Variants in PRKCE observed in about 807,000 individuals in gnomAD.
PRKCE encodes protein kinase C epsilon type.
A neutral mutation model predicts 85.4 loss-of-function variants in PRKCE; 16 were observed. The observed-to-expected ratio is 0.19, with a 90% CI of 0.13 to 0.28. The LOEUF (loss-of-function observed/expected upper bound fraction) is 0.28, where lower values mean the gene tolerates loss of function less well. Ranked by LOEUF, PRKCE falls within the 10% of genes least tolerant of loss-of-function variation. The pLI, the probability that PRKCE is intolerant of heterozygous loss-of-function variation, is 1.00. For synonymous variants in PRKCE, 388 were observed against 371.5 expected (o/e 1.04, Z -0.51); for missense variants, 573 against 975.2 (o/e 0.59, Z 5.49).
chr2:46,130,532 T>C (rs1395288083), intron 11 of PRKCE, among the ~76,000 whole-genome samples: 1 of 152,232 alleles, frequency 6.6e-6, no homozygotes, highest in African/African-American at 2.4e-5. Context: ...TCATAGCACT[T>C]GCTAAAATAA....
At chr2:45,755,374 A>T (rs1366926717) in intron 1 of PRKCE, among the ~76,000 whole-genome samples, 2 of 152,228 alleles carry the variant, frequency 1.3e-5, no homozygotes, top group Non-Finnish European at 1.5e-5. Flanking sequence ...TAGGTTAAGC[A>T]TATGATACAG....
chr2:46,115,138 G>A (rs1031655854), intron 11 of PRKCE, among the ~76,000 whole-genome samples: 1 of 152,144 alleles, frequency 6.6e-6, no homozygotes, highest in Non-Finnish European at 1.5e-5. Context: ...TCTAGGCACT[G>A]GCAGCTTCTC....
intron 1 of PRKCE, among the ~76,000 whole-genome samples, chr2:45,805,667 GC>G (rs995919414): frequency 6.7e-6 from 1 of 149,982 alleles, no homozygotes; most frequent in African/African-American, 2.5e-5. Flanking sequence ...TGTGGTCTTG[GC>G]CCACTGCAAC....
chr2:46,042,835 C>T (rs566824446), intron 10 of PRKCE, among the ~76,000 whole-genome samples: 1 of 152,326 alleles, frequency 6.6e-6, no homozygotes, highest in South Asian at 2.1e-4. Context: ...TTCCCAGCAT[C>T]CTTGTTCACA....
At chr2:45,986,451 A>G (rs1038541400) in intron 6 of PRKCE, among the ~76,000 whole-genome samples, 3 of 152,126 alleles carry the variant, frequency 2.0e-5, no homozygotes, top group Admixed American at 2.0e-4. Context: ...GGGGAGAATG[A>G]TGGACACCGC....
intron 10 of PRKCE, among the ~76,000 whole-genome samples, chr2:46,057,361 T>G (rs2105098959): frequency 6.6e-6 from 1 of 152,320 alleles, no homozygotes; most frequent in South Asian, 2.1e-4. Flanking sequence ...TAGGGCTCTT[T>G]AATACATAGT....
At chr2:45,699,939 G>A (rs1217952292) in intron 1 of PRKCE, among the ~76,000 whole-genome samples, 1 of 151,810 alleles carries the variant, frequency 6.6e-6, no homozygotes, top group Non-Finnish European at 1.5e-5. Context: ...GAGCTGAGGG[G>A]TGCAGGGGGT....
chr2:46,018,351 C>A (rs1052227173), intron 10 of PRKCE, among the ~76,000 whole-genome samples: 16 of 152,112 alleles, frequency 1.1e-4, no homozygotes, highest in Admixed American at 8.5e-4. Context: ...GTAGGAGTCC[C>A]GGCCTTGTGA....
At chr2:45,759,112 A>G (rs569538106) in intron 1 of PRKCE, among the ~76,000 whole-genome samples, 68 of 152,256 alleles carry the variant, frequency 4.5e-4, no homozygotes, top group African/African-American at 1.3e-3. Context: ...CCTCTCCCCA[A>G]TGGGGCACTG....
intron 1 of PRKCE, among the ~76,000 whole-genome samples, chr2:45,714,814 C>G (rs900542052): frequency 6.6e-6 from 1 of 152,236 alleles, no homozygotes; most frequent in Non-Finnish European, 1.5e-5. Context: ...TTCTTGGAGT[C>G]TAATGTCTGT....
intron 6 of PRKCE, among the ~76,000 whole-genome samples, chr2:45,985,238 G>A (rs1186199517): frequency 6.6e-6 from 1 of 152,146 alleles, no homozygotes; most frequent in Non-Finnish European, 1.5e-5. Context: ...CAATTTATTA[G>A]CAGAAGTAGG....
chr2:45,706,616 T>C (rs1679135704), intron 1 of PRKCE, among the ~76,000 whole-genome samples: 1 of 152,240 alleles, frequency 6.6e-6, no homozygotes, highest in Non-Finnish European at 1.5e-5. Context: ...TCTCAATCTC[T>C]GGCATCACAT....
intron 2 of PRKCE, among the ~76,000 whole-genome samples, chr2:45,969,604 G>C (rs2104482625): frequency 6.6e-6 from 1 of 152,248 alleles, no homozygotes; most frequent in East Asian, 1.9e-4. Context: ...CTTCTCCACG[G>C]CAAGCTGCAG....
chr2:45,716,630 G>GAGA (rs139135622), intron 1 of PRKCE, among the ~76,000 whole-genome samples: 422 of 146,408 alleles, frequency 2.9e-3, no homozygotes, highest in African/African-American at 8.7e-3. Context: ...GAAGGAGAAG[G>GAGA]AGAAGAAGAA....
At chr2:46,108,195 G>A (rs1013092667) in intron 11 of PRKCE, among the ~76,000 whole-genome samples, 16 of 152,164 alleles carry the variant, frequency 1.1e-4, no homozygotes, top group African/African-American at 2.7e-4. Flanking sequence ...ATAGGTGTGA[G>A]CCTCCATGCC....
At chr2:46,130,636 C>G (rs1281885403) in intron 11 of PRKCE, among the ~76,000 whole-genome samples, 2 of 152,196 alleles carry the variant, frequency 1.3e-5, no homozygotes, top group Admixed American at 1.3e-4. Flanking sequence ...ACATTCCTTT[C>G]TTCAGTTTGT....
intron 1 of PRKCE, among the ~76,000 whole-genome samples, chr2:45,713,316 G>C (rs1007246469): frequency 6.6e-6 from 1 of 152,150 alleles, no homozygotes; most frequent in South Asian, 2.1e-4. Context: ...TATGCCTGAG[G>C]GTGGCTAATA....
rs896912955 is a variant in PRKCE, at chr2:46,138,133, A to T, written c.1593-6960A>T. 6.6e-6 allele frequency among the ~76,000 whole-genome samples: 1 copy of T among 151,904 alleles called. No homozygotes were observed. The highest frequency in any genetic ancestry group is 2.4e-5 in the African/African-American group (1 of 41,326). On this transcript the variant is annotated intron_variant, in intron 11 of 14. Coordinates refer to ENST00000306156, the MANE Select transcript of PRKCE (RefSeq NM_005400.3). The surrounding 1 kb of genome is among the most constrained non-coding windows in gnomAD (Gnocchi z 4.2). The stretch of plus-strand genomic sequence containing the variant: ...GAATTTCCTTTCTTGTCATGTTGTG[A>T]TTTTCTGGAAGAGATCTTCACTCCT...
rs1044503337 is a variant in PRKCE at position 45,684,320 on chromosome 2, G to T, written c.348+31872G>T. ...CCTGGTGAAGAAACCATGAGGAGAT[G>T]GGGGGATAGGCAAGCATGATTCTGA... On this transcript the variant is annotated intron_variant, in intron 1 of 14. Coordinates refer to ENST00000306156, the MANE Select transcript of PRKCE (RefSeq NM_005400.3). Among the ~76,000 whole-genome samples the T allele has an allele frequency of 3.3e-5, 5 of 152,302 alleles. No individual in the cohort carries two copies. In the South Asian group the frequency reaches 6.2e-4, roughly 19 times the overall value.
Sources: gnomAD v4.1 joint callset for allele counts (sites outside exome capture counted in the v4.1 genomes callset) on GRCh38, gnomAD v4.1.1 for gene constraint, Gnocchi (gnomAD v3.1) non-coding constraint, MANE v1.5 for transcripts, NCBI Gene and HGNC (gene_info 2026-07-23, HGNC 2026-07-21) for gene names.